Variants in CACNA2D3 observed in about 807,000 individuals in gnomAD.
CACNA2D3 encodes voltage-dependent calcium channel subunit alpha-2/delta-3.
CACNA2D3 carries 60 observed loss-of-function variants against 160.6 expected under a neutral mutation model. The ratio of observed to expected loss-of-function variants is 0.37; its 90% CI spans 0.30 to 0.46. The LOEUF (loss-of-function observed/expected upper bound fraction) is 0.46, where lower values mean the gene tolerates loss of function less well. Ranked by LOEUF, CACNA2D3 falls within the 20% of genes least tolerant of loss-of-function variation. The probability of loss-of-function intolerance (pLI) is 1.00; values close to 1 mark genes in which losing one functional copy is unlikely to be tolerated. For synonymous variants in CACNA2D3, 558 were observed against 492.9 expected, an observed-to-expected ratio of 1.13 and a Z score of -1.75; for missense variants, 1,205 against 1,365.0, an observed-to-expected ratio of 0.88 and a Z score of 1.85.
chr3:54,280,231 G>A (rs548230998), intron 2 of CACNA2D3, among the ~76,000 whole-genome samples: 10 of 152,026 alleles, frequency 6.6e-5, no homozygotes, highest in Admixed American at 2.0e-4. Context: ...ACAGGTGCTC[G>A]CCACCACGCC....
At chr3:54,460,568 T>C (rs573520768) in intron 4 of CACNA2D3, among the ~76,000 whole-genome samples, 1 of 152,328 alleles carries the variant, frequency 6.6e-6, no homozygotes, top group African/African-American at 2.4e-5. Context: ...ATGATTTGGC[T>C]CTCTGTTTGT....
At chr3:54,774,372 G>A (rs1702380861) in intron 13 of CACNA2D3, among the ~76,000 whole-genome samples, 1 of 152,130 alleles carries the variant, frequency 6.6e-6, no homozygotes, top group South Asian at 2.1e-4. Context: ...AAGCAGGCAT[G>A]TCCTATATGA....
intron 2 of CACNA2D3, among the ~76,000 whole-genome samples, chr3:54,216,311 A>C (rs191125676): frequency 1.3e-5 from 2 of 152,332 alleles, no homozygotes; most frequent in Admixed American, 1.3e-4. Context: ...TTGCAATAAT[A>C]CACTTCACGT....
At chr3:55,021,543 T>C (rs71308058) in intron 35 of CACNA2D3, among the ~76,000 whole-genome samples, 9 of 150,160 alleles carry the variant, frequency 6.0e-5, no homozygotes, top group Non-Finnish European at 1.2e-4. Context: ...TATATAGATA[T>C]AAGCATATAT....
chr3:54,806,461 A>G (rs993090367), intron 13 of CACNA2D3, among the ~76,000 whole-genome samples: 1 of 152,196 alleles, frequency 6.6e-6, no homozygotes, highest in East Asian at 1.9e-4. Context: ...CAATTGCTTC[A>G]AAGAGAATAA....
intron 17 of CACNA2D3, among the ~76,000 whole-genome samples, chr3:54,855,061 GGCT>G (rs1699138527): frequency 6.6e-6 from 1 of 152,126 alleles, no homozygotes; most frequent in Non-Finnish European, 1.5e-5. Flanking sequence ...TGCCAGGTTG[GGCT>G]GCAGAGCCTC....
chr3:54,861,043 G>A (rs9854968), intron 17 of CACNA2D3, among the ~76,000 whole-genome samples: 62,068 of 151,956 alleles, frequency 0.41, 12,888 homozygotes, highest in Middle Eastern at 0.46. Context: ...TTCTTTGCCA[G>A]GCACTGTCCT....
chr3:54,211,507 G>A (rs1214667185), intron 2 of CACNA2D3, among the ~76,000 whole-genome samples: 2 of 152,190 alleles, frequency 1.3e-5, no homozygotes, highest in African/African-American at 4.8e-5. Context: ...GATAGATCCT[G>A]CTAAACTGAC....
At chr3:54,270,642 C>A (rs184875469) in intron 2 of CACNA2D3, among the ~76,000 whole-genome samples, 6 of 152,312 alleles carry the variant, frequency 3.9e-5, no homozygotes, top group Admixed American at 3.3e-4. Context: ...CTATGATCAT[C>A]ATTAGCACAA....
intron 29 of CACNA2D3, among the ~76,000 whole-genome samples, chr3:54,979,896 A>C (rs1269336176): frequency 6.6e-6 from 1 of 152,212 alleles, no homozygotes; most frequent in South Asian, 2.1e-4. Context: ...GCCACTATTA[A>C]AGCCACAATT....
At chr3:54,917,220 TTAAA>T (rs1419414915) in intron 27 of CACNA2D3, among the ~76,000 whole-genome samples, 1 of 152,224 alleles carries the variant, frequency 6.6e-6, no homozygotes, top group East Asian at 1.9e-4. Context: ...AAAGGTTCCT[TTAAA>T]TAGCCAGCTC....
intron 5 of CACNA2D3, among the ~76,000 whole-genome samples, chr3:54,553,193 A>G (rs765285629): frequency 1.3e-5 from 2 of 152,206 alleles, no homozygotes; most frequent in Non-Finnish European, 1.5e-5. Context: ...AAATAAACCT[A>G]TTGTATAATT....
chr3:54,569,328 G>A (rs749248132), intron 6 of CACNA2D3, among the ~76,000 whole-genome samples: 4 of 152,130 alleles, frequency 2.6e-5, no homozygotes, highest in Non-Finnish European at 2.9e-5. Context: ...GAACAGACCC[G>A]TGTATATCCT....
chr3:54,946,180 TC>T (rs1323541087), intron 27 of CACNA2D3, among the ~76,000 whole-genome samples: 2 of 152,130 alleles, frequency 1.3e-5, no homozygotes, highest in African/African-American at 4.8e-5. Context: ...TCATGTTCTT[TC>T]CCTGCCTCTC....
chr3:54,300,772 T>C (rs936114310), intron 2 of CACNA2D3, among the ~76,000 whole-genome samples: 3 of 152,188 alleles, frequency 2.0e-5, no homozygotes, highest in Non-Finnish European at 4.4e-5. Flanking sequence ...CCAAGCACTT[T>C]GGAAGACTGA....
intron 11 of CACNA2D3, among the ~76,000 whole-genome samples, chr3:54,654,153 T>C (rs1328057574): frequency 6.6e-6 from 1 of 152,138 alleles, no homozygotes; most frequent in East Asian, 1.9e-4. Context: ...TACTCTTAAA[T>C]TGTAGCACAT....
chr3:55,073,572 G>T lies in CACNA2D3; in HGVS notation c.3100+15G>T. 6.3e-7 allele frequency: 1 copy of T among 1,592,734 alleles called. No homozygotes were observed. The highest frequency in any genetic ancestry group is 1.3e-5 in the African/African-American group (1 of 74,624). On this transcript the variant is annotated intron_variant, in intron 36 of 37. Transcript: ENST00000474759. Reference sequence around the variant, plus strand: ...TGAAATCAGGTATATCCTTTTGTGTGCAGGTCCACTCACTACCACGGAAAC... The same window carrying T: ...TGAAATCAGGTATATCCTTTTGTGTTCAGGTCCACTCACTACCACGGAAAC...
chr3:54,965,408 C>A (rs1702126196), intron 27 of CACNA2D3, among the ~76,000 whole-genome samples: 1 of 152,146 alleles, frequency 6.6e-6, no homozygotes, highest in Non-Finnish European at 1.5e-5. Context: ...TTTGGATTGC[C>A]ATCTTCCCTG....
At chr3:54,865,013 T>TG in intron 17 of CACNA2D3, among the ~76,000 whole-genome samples, 1 of 152,212 alleles carries the variant, frequency 6.6e-6, no homozygotes, top group East Asian at 1.9e-4. Flanking sequence ...AACATTCACC[T>TG]TCATGACGAA....
Sources: allele counts gnomAD v4.1 joint callset (sites outside exome capture counted in the v4.1 genomes callset), GRCh38; gene constraint gnomAD v4.1.1; transcripts MANE v1.5; gene names NCBI Gene and HGNC (gene_info 2026-07-23, HGNC 2026-07-21).